Variants in CORO2B observed in about 807,000 individuals in gnomAD.
CORO2B encodes the protein coronin 2B.
Under a neutral mutation model 58.8 loss-of-function variants are expected in CORO2B, and 26 were observed. The observed-to-expected ratio is 0.44, with a 90% confidence interval of 0.32 to 0.61. The LOEUF (loss-of-function observed/expected upper bound fraction) is 0.61, where lower values mean the gene tolerates loss of function less well. Among genes scored for constraint, CORO2B ranks in the 20% least tolerant of loss-of-function variants. The pLI is 0.04. For missense variants in CORO2B, 460 were observed against 645.1 expected (o/e 0.71, Z 3.11); for synonymous variants, 242 against 253.8 (o/e 0.95, Z 0.44).
At chr15:68,698,775 G>A (rs1892573274) in intron 3 of CORO2B, among the ~76,000 whole-genome samples, 2 of 152,172 alleles carry the variant, frequency 1.3e-5, no homozygotes, top group African/African-American at 2.4e-5. Context: ...ATGAAGGTTA[G>A]CCTATGCCCA....
chr15:68,687,791 G>A (rs1180492232), intron 2 of CORO2B, among the ~76,000 whole-genome samples: 2 of 152,222 alleles, frequency 1.3e-5, no homozygotes, highest in Non-Finnish European at 2.9e-5. Context: ...AAGGTGGAGG[G>A]CAAGAGAGAT....
intron 1 of CORO2B, among the ~76,000 whole-genome samples, chr15:68,642,686 G>A (rs1217886591): frequency 1.3e-5 from 2 of 152,102 alleles, no homozygotes; most frequent in Admixed American, 6.5e-5. Flanking sequence ...ACAGAGCAGT[G>A]CCCCACCCCC....
chr15:68,523,345 G>A, the CORO2B span, among the ~76,000 whole-genome samples: 1 of 151,884 alleles, frequency 6.6e-6, no homozygotes, highest in African/African-American at 2.4e-5. Context: ...ACAGGCACAC[G>A]ACTCCATGCC....
At chr15:68,632,022 A>G (rs1294527254) in intron 1 of CORO2B, 1 of 985,338 alleles carries the variant, frequency 1.0e-6, no homozygotes, top group Non-Finnish European at 1.2e-6. Context: ...TGAGGGAGGC[A>G]GGGCTAGAGG....
At chr15:68,651,830 C>A (rs1901652627) in intron 2 of CORO2B, among the ~76,000 whole-genome samples, 1 of 152,230 alleles carries the variant, frequency 6.6e-6, no homozygotes, top group African/African-American at 2.4e-5. Flanking sequence ...TTCCACAGAG[C>A]TTTTCTCTCC....
the CORO2B span, among the ~76,000 whole-genome samples, chr15:68,545,552 C>A: frequency 6.7e-6 from 1 of 150,284 alleles, no homozygotes; most frequent in Non-Finnish European, 1.5e-5. Flanking sequence ...GCCCCAATCT[C>A]CAGGATCAGT....
intron 1 of CORO2B, among the ~76,000 whole-genome samples, chr15:68,629,385 G>A (rs1460674439): frequency 6.6e-6 from 1 of 152,226 alleles, no homozygotes; most frequent in Non-Finnish European, 1.5e-5. Context: ...TTCTGTTGGA[G>A]GAAGAGGCGC....
chr15:68,549,211 G>T, the CORO2B span, among the ~76,000 whole-genome samples: 1 of 152,134 alleles, frequency 6.6e-6, no homozygotes, highest in Non-Finnish European at 1.5e-5. Context: ...ATTACCTCTG[G>T]TCTTTCTGTT....
intron 1 of CORO2B, among the ~76,000 whole-genome samples, chr15:68,600,438 A>C (rs1225269862): frequency 1.3e-5 from 2 of 152,044 alleles, no homozygotes; most frequent in Non-Finnish European, 2.9e-5. Flanking sequence ...CCAGCAGACA[A>C]GCTCCTCCAG....
chr15:68,649,522 G>A (rs1901565984), intron 2 of CORO2B, among the ~76,000 whole-genome samples: 1 of 152,180 alleles, frequency 6.6e-6, no homozygotes. Flanking sequence ...CTGTAGAGCA[G>A]TCTCGTTCTC....
At chr15:68,578,481 T>A (rs1203771730), upstream of CORO2B, among the ~76,000 whole-genome samples, 4 of 152,148 alleles carry the variant, frequency 2.6e-5, no homozygotes, top group Admixed American at 2.6e-4. This position sits in a 1 kb window ranked among gnomAD's most constrained non-coding sequence, Gnocchi z 4.2. Flanking sequence ...CAAATCCGTC[T>A]GGCCACCCTG....
At chr15:68,602,442 C>T (rs1469784405) in intron 1 of CORO2B, among the ~76,000 whole-genome samples, 1 of 151,240 alleles carries the variant, frequency 6.6e-6, no homozygotes, top group Non-Finnish European at 1.5e-5. Flanking sequence ...CACACACACA[C>T]ACACACACGT....
At chr15:68,681,936 G>T (rs1596010466) in intron 2 of CORO2B, among the ~76,000 whole-genome samples, 1 of 152,308 alleles carries the variant, frequency 6.6e-6, no homozygotes, top group Non-Finnish European at 1.5e-5. Flanking sequence ...TAAAGGGCTA[G>T]AGCTGGGACA....
intron 3 of CORO2B, among the ~76,000 whole-genome samples, chr15:68,702,828 T>C (rs867468836): frequency 1.3e-4 from 18 of 139,394 alleles, no homozygotes; most frequent in Middle Eastern, 3.5e-3. Context: ...TTTCTTTTTT[T>C]TTTTTTTTTT....
chr15:68,637,916 C>T (rs1020666037), intron 1 of CORO2B, among the ~76,000 whole-genome samples: 14 of 152,256 alleles, frequency 9.2e-5, no homozygotes, highest in African/African-American at 2.6e-4. Flanking sequence ...AAAATGCACC[C>T]GCTGGCCACA....
chr15:68,670,787 TA>T lies in CORO2B; in HGVS notation c.217-24348del, dbSNP rs564521254. ...TATTTTTCATCTGAAAATAAGCAGATAAAAATATTATAATATTGGGTGCTGT... is the reference window on the plus strand; with the variant it reads ...TATTTTTCATCTGAAAATAAGCAGATAAAATATTATAATATTGGGTGCTGT... On this transcript the variant is annotated intron_variant, in intron 2 of 11. Transcript: ENST00000261861. 2.1e-4 allele frequency among the ~76,000 whole-genome samples: 32 copies of T among 152,292 alleles called. No individual in the cohort carries two copies. In the East Asian group the frequency reaches 5.0e-3, roughly 24 times the overall value.
chr15:68,546,689 G>A, the CORO2B span, among the ~76,000 whole-genome samples: 51 of 152,200 alleles, frequency 3.4e-4, 1 homozygote, highest in South Asian at 4.1e-4. Flanking sequence ...ATGAGTGAAT[G>A]AATAAATGAA....
chr15:68,531,774 G>A, the CORO2B span, among the ~76,000 whole-genome samples: 5 of 151,142 alleles, frequency 3.3e-5, no homozygotes, highest in Non-Finnish European at 7.4e-5. Flanking sequence ...GTAAATCCAA[G>A]TTTCCATCTA....
Position 68,645,779 on chromosome 15 carries a change from A to T in CORO2B, c.216+419A>T, listed in dbSNP as rs1011535344. 6.8e-6 allele frequency among the ~76,000 whole-genome samples: 1 copy of T among 147,112 alleles called. No homozygotes were observed. Among genetic ancestry groups the T allele is most frequent in the African/African-American group, 2.5e-5 (1 of 40,308 alleles). On this transcript the variant is annotated intron_variant, in intron 2 of 11. Transcript: ENST00000261861. This position sits in a 1 kb window ranked among gnomAD's most constrained non-coding sequence, Gnocchi z 4.5. ...ATTGAGCATCTGCAAAAATTATACA[A>T]TTTTTTTTTTTTGAGATGGAGTCTT... is the stretch of plus-strand genomic sequence containing the variant.
Sources: allele counts gnomAD v4.1 joint callset (sites outside exome capture counted in the v4.1 genomes callset), GRCh38; gene constraint gnomAD v4.1.1; non-coding constraint Gnocchi (gnomAD v3.1); transcripts MANE v1.5; gene names NCBI Gene and HGNC (gene_info 2026-07-23, HGNC 2026-07-21).